ITGB1: variants seen among roughly 807,000 people sequenced by gnomAD.
ITGB1 encodes integrin beta-1.
A neutral mutation model predicts 86.5 loss-of-function variants in ITGB1; 24 were observed. That is an observed-to-expected ratio of 0.28 (90% CI 0.20 to 0.39). ITGB1 has a LOEUF of 0.39. Ranked by LOEUF, ITGB1 falls within the 10% of genes least tolerant of loss-of-function variation. The pLI, the probability that ITGB1 is intolerant of heterozygous loss-of-function variation, is 1.00. For synonymous variants in ITGB1, 323 were observed against 316.8 expected (o/e 1.02, Z -0.21); for missense variants, 556 against 946.9 (o/e 0.59, Z 5.42).
At chr10:32,945,794 A>T (rs2095030140) in intron 1 of ITGB1, among the ~76,000 whole-genome samples, 1 of 152,200 alleles carries the variant, frequency 6.6e-6, no homozygotes, top group East Asian at 1.9e-4. Flanking sequence ...TTGTTGTAAG[A>T]TACAAATTCA....
intron 11 of ITGB1, among the ~76,000 whole-genome samples, chr10:32,913,688 G>A (rs969037260): frequency 1.3e-5 from 2 of 152,368 alleles, no homozygotes; most frequent in Non-Finnish European, 2.9e-5. Context: ...ATCGATGTCT[G>A]ATTGGTGTAC....
In ITGB1 at chr10:32,920,062, G is replaced by A; in HGVS notation, c.1292C>T (p.Thr431Ile). 4 of 1,613,276 alleles carry A rather than the reference G, an allele frequency of 2.5e-6. No individual in the cohort carries two copies. The highest frequency in any genetic ancestry group is 1.7e-5 in the Admixed American group (1 of 59,992). Residue 431 changes from threonine (T) to isoleucine (I), a missense_variant, in exon 11 of 16, where the codon ACT (threonine) becomes ATT (isoleucine). This residue lies in a region of ITGB1 where 330 missense variants were observed against 531.5 expected (regional missense o/e 0.62). Coordinates refer to ENST00000302278, the MANE Select transcript of ITGB1 (RefSeq NM_002211.4). ...GDEVQFEISITSNKCPKKDSD... is the reference protein window; with the variant it reads ...GDEVQFEISIISNKCPKKDSD... ...ATCCTTTTTTGGACACTTATTTGAA[G>A]TTATGCTAATTTCAAATTGAACCTT... is the stretch of plus-strand genomic sequence containing the variant.
intron 1 of ITGB1, among the ~76,000 whole-genome samples, chr10:32,942,481 G>C (rs1030327887): frequency 4.6e-5 from 7 of 152,146 alleles, no homozygotes; most frequent in Admixed American, 2.0e-4. Context: ...TTCCCTGATG[G>C]ATTCTAGGCT....
At chr10:32,911,250 A>G (rs1342321706) in intron 13 of ITGB1, among the ~76,000 whole-genome samples, 198 bp downstream of exon 13, 1 of 152,202 alleles carries the variant, frequency 6.6e-6, no homozygotes, top group African/African-American at 2.4e-5. Context: ...CAACTCTCAC[A>G]TGACACACTT....
At chr10:32,913,018 G>A (rs956816705) in intron 11 of ITGB1, among the ~76,000 whole-genome samples, 3 of 152,190 alleles carry the variant, frequency 2.0e-5, no homozygotes, top group African/African-American at 2.4e-5. Context: ...TTGCTGTTCT[G>A]CAGCCTCCGC....
At chr10:32,918,433 C>A (rs967359060) in intron 11 of ITGB1, among the ~76,000 whole-genome samples, 1 of 151,948 alleles carries the variant, frequency 6.6e-6, no homozygotes, top group African/African-American at 2.4e-5. Flanking sequence ...TATAAAAAAT[C>A]TCTTCAAGCT....
chr10:32,919,347 T>C (rs2094941603), intron 11 of ITGB1, among the ~76,000 whole-genome samples: 1 of 152,216 alleles, frequency 6.6e-6, no homozygotes, highest in East Asian at 1.9e-4. Context: ...AGTAATTTTG[T>C]TAGTTTTCTT....
intron 2 of ITGB1, among the ~76,000 whole-genome samples, chr10:32,934,387 G>A (rs1034078702): frequency 6.6e-6 from 1 of 152,160 alleles, no homozygotes; most frequent in Non-Finnish European, 1.5e-5. Context: ...TATACAGGAG[G>A]ATATGTGTAG....
intron 3 of ITGB1, among the ~76,000 whole-genome samples, 182 bp from the exon 4 acceptor site, chr10:32,930,226 C>G (rs1205284619): frequency 1.3e-5 from 2 of 152,150 alleles, no homozygotes; most frequent in African/African-American, 2.4e-5. Context: ...TGTTAAAAAA[C>G]AATCATTTCC....
At chr10:32,940,405 T>C (rs1322477333) in intron 1 of ITGB1, among the ~76,000 whole-genome samples, 1 of 152,166 alleles carries the variant, frequency 6.6e-6, no homozygotes, top group Non-Finnish European at 1.5e-5. Flanking sequence ...AACATAGTTG[T>C]TTATTATCAA....
intron 11 of ITGB1, among the ~76,000 whole-genome samples, chr10:32,912,452 G>A (rs116866455): frequency 0.04 from 6,143 of 152,232 alleles, 135 homozygotes; most frequent in Non-Finnish European, 0.052. Context: ...CTAATACTGC[G>A]CTTTTCCAAT....
At chr10:32,947,310 A>G (rs2095033538) in intron 1 of ITGB1, among the ~76,000 whole-genome samples, 2 of 152,088 alleles carry the variant, frequency 1.3e-5, no homozygotes, top group Admixed American at 1.3e-4. Context: ...AAAAAAAAGA[A>G]AGAAAGAAAA....
At chr10:32,931,381 GAT>G (rs1300714402) in intron 3 of ITGB1, among the ~76,000 whole-genome samples, 6 of 152,108 alleles carry the variant, frequency 3.9e-5, no homozygotes, top group African/African-American at 1.4e-4. Flanking sequence ...CCATAAAATG[GAT>G]ATGTTAACAA....
chr10:32,912,883 C>T (rs540501319), intron 11 of ITGB1, among the ~76,000 whole-genome samples: 1 of 152,304 alleles, frequency 6.6e-6, no homozygotes, highest in East Asian at 1.9e-4. Flanking sequence ...TCCCTGAGCC[C>T]GAGTAGCCTA....
chr10:32,903,295 T>G (rs1000505816), intron 15 of ITGB1, among the ~76,000 whole-genome samples: 3 of 131,130 alleles, frequency 2.3e-5, no homozygotes, highest in Non-Finnish European at 3.1e-5. Context: ...GAGATTGTAG[T>G]GAGCTGAGAT....
intron 11 of ITGB1, among the ~76,000 whole-genome samples, chr10:32,915,708 G>A (rs183062806): frequency 3.3e-5 from 5 of 152,316 alleles, no homozygotes; most frequent in Admixed American, 1.3e-4. Context: ...AGACCAGACG[G>A]ATTCACAGCC....
chr10:32,913,306 C>A lies in ITGB1; in HGVS notation c.1470-1182G>T, dbSNP rs371577688. Reference sequence around the variant, plus strand: ...TCACCAGCAACGGAACAAAGCCGGACGGAGAATGACTTTGACAAGTTGAGA... The same window carrying A: ...TCACCAGCAACGGAACAAAGCCGGAAGGAGAATGACTTTGACAAGTTGAGA... On this transcript the variant is annotated intron_variant, in intron 11 of 15. Transcript: ENST00000302278. Among the ~76,000 whole-genome samples, 4 of 152,266 alleles carry A rather than the reference C, an allele frequency of 2.6e-5. No homozygotes were observed. In the East Asian group the frequency reaches 5.8e-4, roughly 22 times the overall value.
chr10:32,924,972 G>A (rs949356005), intron 6 of ITGB1, among the ~76,000 whole-genome samples: 4 of 152,180 alleles, frequency 2.6e-5, no homozygotes, highest in Non-Finnish European at 5.9e-5. Flanking sequence ...CCCAGCATCA[G>A]TGGTGATAGA....
rs202136514 is a variant in ITGB1 at position 32,920,399 on chromosome 10, T to C, written c.1129-14A>G. 4.2e-5 allele frequency: 68 copies of C among 1,611,568 alleles called. No homozygotes were observed. Among genetic ancestry groups the C allele is most frequent in the Admixed American group, 6.7e-5 (4 of 59,758 alleles). On this transcript the variant is annotated splice_polypyrimidine_tract_variant and intron_variant, in intron 9 of 15. Transcript: ENST00000302278. Reference sequence around the variant, plus strand: ...TGAGGAAAGGGACTAAAAGAATGCCTAATTATACACAGGAAAAGTCAAACA... The same window carrying C: ...TGAGGAAAGGGACTAAAAGAATGCCCAATTATACACAGGAAAAGTCAAACA...
Sources: gnomAD v4.1 joint callset for allele counts (sites outside exome capture counted in the v4.1 genomes callset) on GRCh38, gnomAD v4.1.1 for gene constraint, gnomAD v4.1.1 regional missense constraint, MANE v1.5 for transcripts, NCBI Gene and HGNC (gene_info 2026-07-23, HGNC 2026-07-21) for gene names.